Variants in GRID2 observed in about 807,000 individuals in gnomAD.
The protein encoded by GRID2 is glutamate receptor ionotropic, delta-2.
In GRID2, 33 loss-of-function variants were observed where a neutral mutation model predicts 114.8. The ratio of observed to expected loss-of-function variants is 0.29; its 90% CI spans 0.22 to 0.38. The LOEUF (loss-of-function observed/expected upper bound fraction) is 0.38. Among genes scored for constraint, GRID2 ranks in the 10% least tolerant of loss-of-function variants. The probability of loss-of-function intolerance (pLI) is 1.00; values close to 1 mark genes in which losing one functional copy is unlikely to be tolerated. For synonymous variants in GRID2, 505 were observed against 449.9 expected, an observed-to-expected ratio of 1.12 and a Z score of -1.55; for missense variants, 1,184 against 1,257.7, an observed-to-expected ratio of 0.94 and a Z score of 0.89.
At chr4:93,620,693 G>C (rs138572309) in intron 13 of GRID2, among the ~76,000 whole-genome samples, 62 of 152,228 alleles carry the variant, frequency 4.1e-4, no homozygotes, top group Middle Eastern at 3.4e-3. Flanking sequence ...AAATATTCAA[G>C]AAAATAACAT....
At chr4:93,051,510 A>G (rs1051359322) in intron 2 of GRID2, among the ~76,000 whole-genome samples, 4 of 151,994 alleles carry the variant, frequency 2.6e-5, no homozygotes, top group African/African-American at 9.7e-5. Context: ...CAAGTGTGCA[A>G]GATAGGTCAT....
chr4:92,943,483 A>AT (rs1290020490), intron 2 of GRID2, among the ~76,000 whole-genome samples: 2 of 151,658 alleles, frequency 1.3e-5, no homozygotes, highest in East Asian at 3.9e-4. Context: ...CATTCATCTA[A>AT]TTTTTTTTCA....
At chr4:92,870,724 T>C (rs1745215534) in intron 2 of GRID2, among the ~76,000 whole-genome samples, 2 of 152,132 alleles carry the variant, frequency 1.3e-5, no homozygotes, top group Non-Finnish European at 2.9e-5. Context: ...TTGTATGCAT[T>C]ACATGTGATA....
At chr4:92,888,220 T>A (rs1219441944) in intron 2 of GRID2, among the ~76,000 whole-genome samples, 1 of 152,152 alleles carries the variant, frequency 6.6e-6, no homozygotes, top group African/African-American at 2.4e-5. Flanking sequence ...TCATTTATTC[T>A]AATTATTAAC....
chr4:93,224,712 A>G lies in GRID2; in HGVS notation c.1062A>G (p.Ser354=), dbSNP rs1293464963. The G allele has an allele frequency of 6.2e-7, 1 of 1,612,932 alleles. No homozygotes were observed. The highest frequency in any genetic ancestry group is 1.3e-5 in the African/African-American group (1 of 74,974). Residue 354 remains serine (S), a synonymous_variant, in exon 7 of 16, where the codon TCA becomes TCG. Transcript: ENST00000282020. ...AGTGGCACAGCATGGCAAGTCTGTCATGTATCAGAAAGAACTCAAAGCCCT... is the reference window on the plus strand; with the variant it reads ...AGTGGCACAGCATGGCAAGTCTGTCGTGTATCAGAAAGAACTCAAAGCCCT... ...DRKWHSMASL[S]CIRKNSKPWQ...
At chr4:93,662,852 A>G (rs952357992) in intron 14 of GRID2, among the ~76,000 whole-genome samples, 1 of 152,184 alleles carries the variant, frequency 6.6e-6, no homozygotes, top group South Asian at 2.1e-4. Flanking sequence ...AGAAAACAAA[A>G]CAATTAGATT....
intron 2 of GRID2, among the ~76,000 whole-genome samples, chr4:93,003,223 T>G (rs972062202): frequency 8.5e-5 from 13 of 152,090 alleles, no homozygotes; most frequent in African/African-American, 3.1e-4. Context: ...TTTAATCTTT[T>G]TATTCAGTAA....
chr4:92,508,517 A>T (rs2149129507), intron 1 of GRID2, among the ~76,000 whole-genome samples: 1 of 152,088 alleles, frequency 6.6e-6, no homozygotes, highest in South Asian at 2.1e-4. Context: ...AGGAAGTGGC[A>T]TTCAGTTGAG....
chr4:93,332,424 C>G (rs943264455), intron 8 of GRID2, among the ~76,000 whole-genome samples: 24 of 151,638 alleles, frequency 1.6e-4, no homozygotes, highest in African/African-American at 5.8e-4. Flanking sequence ...TCTGTATCCA[C>G]GCAGCCAATA....
At chr4:92,781,076 C>A (rs1739051818) in intron 2 of GRID2, among the ~76,000 whole-genome samples, 1 of 151,950 alleles carries the variant, frequency 6.6e-6, no homozygotes, top group African/African-American at 2.4e-5. Context: ...GAAACTCGGT[C>A]TCTACTAAAA....
rs189973716 is a variant in GRID2 at position 93,753,312 on chromosome 4, G to C, written c.2361-15898G>C. ...CTCTGAGATGTTCTCCCCAGTACCA[G>C]CTTATCTTGTTATGCATCTTAGAAA... On this transcript the variant is annotated intron_variant, in intron 14 of 15. Transcript: ENST00000282020. Among the ~76,000 whole-genome samples the C allele has an allele frequency of 2.6e-3, 400 of 152,222 alleles. 4 individuals are homozygous for C. The highest frequency in any genetic ancestry group is 9.2e-3 in the African/African-American group (382 of 41,530).
At chr4:93,277,943 TAAG>T (rs1752232832) in intron 8 of GRID2, among the ~76,000 whole-genome samples, 1 of 151,952 alleles carries the variant, frequency 6.6e-6, no homozygotes, top group Non-Finnish European at 1.5e-5. Flanking sequence ...AAAGACACTA[TAAG>T]ACACAAAAAG....
intron 14 of GRID2, among the ~76,000 whole-genome samples, chr4:93,629,332 C>T (rs907112485): frequency 4.6e-5 from 7 of 151,976 alleles, no homozygotes; most frequent in African/African-American, 1.7e-4. Flanking sequence ...GTAACGACAC[C>T]CTGCATCCTG....
At chr4:93,218,162 C>T (rs970039448) in intron 6 of GRID2, among the ~76,000 whole-genome samples, 2 of 151,814 alleles carry the variant, frequency 1.3e-5, no homozygotes, top group African/African-American at 4.8e-5. Context: ...GGATCATTAC[C>T]CTGTAACTTT....
chr4:93,594,750 T>A (rs1257513635), intron 13 of GRID2, among the ~76,000 whole-genome samples: 4 of 152,192 alleles, frequency 2.6e-5, no homozygotes, highest in Non-Finnish European at 5.9e-5. Flanking sequence ...GGATATAATC[T>A]CGTGGTGCGC....
intron 2 of GRID2, among the ~76,000 whole-genome samples, chr4:92,607,947 A>G (rs542896669): frequency 5.9e-5 from 9 of 152,074 alleles, no homozygotes; most frequent in African/African-American, 1.9e-4. Context: ...AAAGTTCAGT[A>G]GAAAAAGAGG....
At chr4:93,101,224 G>A (rs569458042) in intron 3 of GRID2, among the ~76,000 whole-genome samples, 1 of 152,058 alleles carries the variant, frequency 6.6e-6, no homozygotes, top group South Asian at 2.1e-4. Flanking sequence ...ATCAAATCAG[G>A]GTAGTTGAGA....
At chr4:93,437,262 A>G (rs1258500809) in intron 10 of GRID2, among the ~76,000 whole-genome samples, 2 of 152,144 alleles carry the variant, frequency 1.3e-5, no homozygotes, top group African/African-American at 4.8e-5. Context: ...GTAGATGATG[A>G]AACAGAGAGA....
chr4:92,845,979 C>A (rs1048722871), intron 2 of GRID2, among the ~76,000 whole-genome samples: 1 of 152,046 alleles, frequency 6.6e-6, no homozygotes, highest in Non-Finnish European at 1.5e-5. Flanking sequence ...CTAGCCCCAA[C>A]CTCAAAGCTA....
Sources: gnomAD v4.1 joint callset for allele counts (sites outside exome capture counted in the v4.1 genomes callset) on GRCh38, gnomAD v4.1.1 for gene constraint, MANE v1.5 for transcripts, NCBI Gene and HGNC (gene_info 2026-07-23, HGNC 2026-07-21) for gene names.